CAMTA1: variants seen among roughly 807,000 people sequenced by gnomAD.
CAMTA1 encodes the protein calmodulin-binding transcription activator 1.
Under a neutral mutation model 170.9 loss-of-function variants are expected in CAMTA1, and 27 were observed. The observed-to-expected ratio is 0.16, with a 90% CI of 0.12 to 0.22. CAMTA1 has a LOEUF of 0.22. Among genes scored for constraint, CAMTA1 ranks in the 10% least tolerant of loss-of-function variants. The probability of loss-of-function intolerance (pLI) is 1.00; values close to 1 mark genes in which losing one functional copy is unlikely to be tolerated. For synonymous variants in CAMTA1, 833 were observed against 891.5 expected (o/e 0.93, Z 1.17); for missense variants, 1,619 against 2,217.2 (o/e 0.73, Z 5.42).
At chr1:6,801,365 A>G (rs1483242814) in intron 1 of CAMTA1, among the ~76,000 whole-genome samples, 3 of 152,084 alleles carry the variant, frequency 2.0e-5, no homozygotes, top group Non-Finnish European at 4.4e-5. Flanking sequence ...TTCTGTGGCC[A>G]TGTCTGGAGG....
At chr1:7,541,910 A>T (rs1266455151) in intron 6 of CAMTA1, among the ~76,000 whole-genome samples, 2 of 152,210 alleles carry the variant, frequency 1.3e-5, no homozygotes, top group East Asian at 3.9e-4. Flanking sequence ...AGATAAGTCC[A>T]TGAAGTCACC....
At position 7,680,116 on chromosome 1, in the gene CAMTA1, A is replaced by C. The variant is rs902525477; in HGVS notation, c.2914+2383A>C. On this transcript the variant is annotated intron_variant, in intron 11 of 22. Coordinates refer to ENST00000303635, the MANE Select transcript of CAMTA1 (RefSeq NM_015215.4). This position sits in a 1 kb window ranked among gnomAD's most constrained non-coding sequence, Gnocchi z 4.4. ...GTCGCAGCGCAAAGGGGGCCGCGGG[A>C]ACAGCTAGTCGGGAGCGCGGGGGTC... 1 of 176,638 alleles carries C rather than the reference A, an allele frequency of 5.7e-6. No individual in the cohort carries two copies. Among genetic ancestry groups the C allele is most frequent in the Non-Finnish European group, 1.2e-5 (1 of 80,294 alleles). The allele number at this position is 176,638 out of a possible 1,614,324, so 10.9% of individuals were successfully genotyped here.
At position 7,195,627 on chromosome 1, in the gene CAMTA1, G is replaced by C. The variant is rs1357228314; in HGVS notation, c.303-53864G>C. ...TCACCTTCAGCCAGGTGCCCGCACT[G>C]CTCCTGAGACCACTCTGACCCCATG... On this transcript the variant is annotated intron_variant, in intron 4 of 22. Transcript: ENST00000303635. This position sits in a 1 kb window ranked among gnomAD's most constrained non-coding sequence, Gnocchi z 4.1. 6.6e-6 allele frequency among the ~76,000 whole-genome samples: 1 copy of C among 152,204 alleles called. No homozygotes were observed. The highest frequency in any genetic ancestry group is 1.5e-5 in the Non-Finnish European group (1 of 68,040).
intron 3 of CAMTA1, among the ~76,000 whole-genome samples, chr1:6,957,159 C>T (rs930722051): frequency 1.3e-5 from 2 of 152,124 alleles, no homozygotes; most frequent in Admixed American, 1.3e-4. Context: ...GCATGTATGC[C>T]GCAGATCTAA....
intron 8 of CAMTA1, among the ~76,000 whole-genome samples, chr1:7,663,142 G>C (rs1180247557): frequency 6.6e-5 from 10 of 152,222 alleles, no homozygotes; most frequent in Non-Finnish European, 1.5e-4. Flanking sequence ...GGTCAAAGGG[G>C]CGTGGGACGG....
intron 3 of CAMTA1, among the ~76,000 whole-genome samples, chr1:6,985,339 C>T (rs547328377): frequency 6.6e-6 from 1 of 152,226 alleles, no homozygotes; most frequent in Non-Finnish European, 1.5e-5. Flanking sequence ...GACAGATGAT[C>T]TCTGCTCCTC....
chr1:7,568,851 ACAT>A (rs1246324545), intron 6 of CAMTA1, among the ~76,000 whole-genome samples: 8 of 148,244 alleles, frequency 5.4e-5, no homozygotes, highest in South Asian at 2.2e-4. Context: ...CATCATCACC[ACAT>A]CATCATCATC....
intron 6 of CAMTA1, among the ~76,000 whole-genome samples, chr1:7,558,939 C>T (rs979402060): frequency 8.5e-5 from 13 of 152,230 alleles, no homozygotes; most frequent in Non-Finnish European, 1.6e-4. Context: ...GCAGCCTTTT[C>T]ACAAGTTACC....
intron 5 of CAMTA1, among the ~76,000 whole-genome samples, chr1:7,406,416 G>C (rs531757320): frequency 6.6e-6 from 1 of 152,164 alleles, no homozygotes; most frequent in Admixed American, 6.5e-5. Context: ...AGTCCTCCAC[G>C]TCTTAGATGA....
chr1:7,754,130 G>A (rs368585122), intron 21 of CAMTA1, among the ~76,000 whole-genome samples: 23 of 151,814 alleles, frequency 1.5e-4, no homozygotes, highest in Non-Finnish European at 2.8e-4. Flanking sequence ...TTTCCTCTTC[G>A]ACCTGCAAAA....
intron 6 of CAMTA1, among the ~76,000 whole-genome samples, chr1:7,548,681 G>C (rs12758883): frequency 0.09 from 7,377 of 82,328 alleles, 163 homozygotes; most frequent in East Asian, 0.15. Context: ...GATGCCCATG[G>C]AAGGTGCCCC....
chr1:7,716,093 C>T (rs1558205002), intron 11 of CAMTA1, among the ~76,000 whole-genome samples: 1 of 152,172 alleles, frequency 6.6e-6, no homozygotes, highest in Non-Finnish European at 1.5e-5. Flanking sequence ...AGTGCAGCAG[C>T]ATGATTGAAG....
chr1:7,759,194 A>G (rs761116248), intron 22 of CAMTA1, among the ~76,000 whole-genome samples: 2 of 152,164 alleles, frequency 1.3e-5, no homozygotes, highest in Non-Finnish European at 2.9e-5. Context: ...GGAAACTTAC[A>G]GAATTAAATT....
chr1:6,855,866 C>A (rs1245194893), intron 3 of CAMTA1, among the ~76,000 whole-genome samples: 2 of 152,156 alleles, frequency 1.3e-5, no homozygotes, highest in Admixed American at 6.6e-5. Flanking sequence ...GTCTCTCCTT[C>A]CCCCAGGACC....
At chr1:6,881,176 T>C (rs1422194395) in intron 3 of CAMTA1, among the ~76,000 whole-genome samples, 1 of 152,138 alleles carries the variant, frequency 6.6e-6, no homozygotes, top group Non-Finnish European at 1.5e-5. Context: ...ATCACTGTGG[T>C]ATTTTGTTTC....
At chr1:7,264,405 G>A (rs1668604133) in intron 5 of CAMTA1, among the ~76,000 whole-genome samples, 1 of 152,326 alleles carries the variant, frequency 6.6e-6, no homozygotes, top group Non-Finnish European at 1.5e-5. Context: ...CCTGGCACAT[G>A]CAGTTTCCTT....
chr1:7,106,290 A>AAGGAGG (rs763326048), intron 4 of CAMTA1, among the ~76,000 whole-genome samples: 1 of 151,706 alleles, frequency 6.6e-6, no homozygotes, highest in South Asian at 2.1e-4. Context: ...GAAGGAGAAG[A>AAGGAGG]AGGAGGAGGA....
At chr1:6,926,872 A>G (rs113097299) in intron 3 of CAMTA1, among the ~76,000 whole-genome samples, 2,550 of 151,932 alleles carry the variant, frequency 0.017, 37 homozygotes, top group South Asian at 0.033. Flanking sequence ...CTGGGACTAC[A>G]TGCACCTGCC....
chr1:6,992,379 T>C (rs961639321), intron 3 of CAMTA1, among the ~76,000 whole-genome samples: 1 of 152,236 alleles, frequency 6.6e-6, no homozygotes, highest in Non-Finnish European at 1.5e-5. Flanking sequence ...GCCTGAAGTT[T>C]ATCACTTTTT....
Sources: gnomAD v4.1 joint callset for allele counts (sites outside exome capture counted in the v4.1 genomes callset) on GRCh38, gnomAD v4.1.1 for gene constraint, Gnocchi (gnomAD v3.1) non-coding constraint, MANE v1.5 for transcripts, NCBI Gene and HGNC (gene_info 2026-07-23, HGNC 2026-07-21) for gene names.